The following ROCK2 variants were observed in gnomAD, a reference collection of about 807,000 sequenced individuals.
ROCK2 encodes the protein rho-associated protein kinase 2.
In ROCK2, 61 loss-of-function variants were observed where a neutral mutation model predicts 195.1. The ratio of observed to expected loss-of-function variants is 0.31; its 90% confidence interval spans 0.25 to 0.39. The LOEUF (loss-of-function observed/expected upper bound fraction) is 0.39. ROCK2 is among the 10% of genes least tolerant of loss of function. The pLI is 1.00. For synonymous variants in ROCK2, 504 were observed against 545.5 expected (o/e 0.92, Z 1.06); for missense variants, 1,109 against 1,637.4 (o/e 0.68, Z 5.57).
At chr2:11,232,472 TCAAA>T (rs1172112631) in intron 5 of ROCK2, among the ~76,000 whole-genome samples, 3 of 152,122 alleles carry the variant, frequency 2.0e-5, no homozygotes, top group Non-Finnish European at 2.9e-5. Context: ...GTAACAATAA[TCAAA>T]CAAAGGCACA....
At chr2:11,292,851 T>C (rs185448488) in intron 1 of ROCK2, among the ~76,000 whole-genome samples, 125 of 152,252 alleles carry the variant, frequency 8.2e-4, no homozygotes, top group Non-Finnish European at 1.4e-3. Flanking sequence ...TGGGAGGTGA[T>C]TGGATCACAG....
Position 11,224,605 on chromosome 2 carries a change from A to G in ROCK2, c.869-145T>C, listed in dbSNP as rs1206396371. 4.4e-6 allele frequency: 3 copies of G among 689,492 alleles called. No individual in the cohort carries two copies. The African/African-American group carries it at 5.5e-5, about 13-fold the overall frequency. 42.7% of individuals were successfully genotyped at this position (689,492 alleles called of 1,614,324 possible). A position where few individuals can be genotyped will look rare whatever the true frequency, so the allele number is the denominator to read the frequency against. On this transcript the variant is annotated intron_variant, in intron 6 of 32. Transcript: ENST00000315872. ...ACGGGCACAGAGTCCCAGTCAAAAC[A>G]ACAGACATATTGTTATATTCTAAAT...
At chr2:11,291,309 G>C (rs1667355421) in intron 1 of ROCK2, among the ~76,000 whole-genome samples, 1 of 152,178 alleles carries the variant, frequency 6.6e-6, no homozygotes, top group Admixed American at 6.5e-5. Context: ...CAGCACTTTG[G>C]GAGGCCGAGG....
At position 11,201,363 on chromosome 2, in the gene ROCK2, C is replaced by T. The variant is rs1386391368; in HGVS notation, c.2670G>A (p.Lys890=). 1 of 1,613,142 alleles carries T rather than the reference C, an allele frequency of 6.2e-7. No homozygotes were observed. The highest frequency in any genetic ancestry group is 1.7e-5 in the Admixed American group (1 of 59,988). ...VRELKEECEE[K]TKLGKELQQK... is the part of the protein sequence containing the mutation. Reference sequence around the variant, plus strand: ...GCTGCAATTCTTTACCAAGTTTGGTCTTTTCTTCACATTCTTCTTTAAGCT... The same window carrying T: ...GCTGCAATTCTTTACCAAGTTTGGTTTTTTCTTCACATTCTTCTTTAAGCT... The change falls in exon 22 of 33, where the codon AAG becomes AAA. Residue 890 remains lysine (K), a synonymous_variant. Coordinates refer to ENST00000315872, the MANE Select transcript of ROCK2 (RefSeq NM_004850.5). The surrounding 1 kb of genome is among the most constrained non-coding windows in gnomAD (Gnocchi z 4.6).
intron 32 of ROCK2, among the ~76,000 whole-genome samples, chr2:11,184,000 T>A (rs1021657147): frequency 9.2e-5 from 14 of 152,248 alleles, no homozygotes; most frequent in Admixed American, 9.2e-4. Flanking sequence ...TTATTTCTTT[T>A]AAATCCTTCT....
intron 1 of ROCK2, among the ~76,000 whole-genome samples, chr2:11,310,248 T>G (rs1338053361): frequency 6.6e-6 from 1 of 152,198 alleles, no homozygotes; most frequent in East Asian, 1.9e-4. Context: ...TTGTGTCACC[T>G]GGTGTTAGCA....
intron 3 of ROCK2, among the ~76,000 whole-genome samples, chr2:11,269,346 T>C (rs1409157224): frequency 6.6e-6 from 1 of 151,904 alleles, no homozygotes; most frequent in Non-Finnish European, 1.5e-5. Flanking sequence ...ACCCCATCTC[T>C]ACTAAAAACA....
rs139212074 is a variant in ROCK2 at position 11,267,235 on chromosome 2, T to C, written c.325-17437A>G. Among the ~76,000 whole-genome samples, 169 of 152,294 alleles carry C rather than the reference T, an allele frequency of 1.1e-3. 1 individual carries two copies. Among genetic ancestry groups the C allele is most frequent in the Middle Eastern group, 6.8e-3 (2 of 294 alleles). ...ATACAATTAACCCTTAGGAAGCACTTTGACCAGGCTTATTTATATTATTAA... is the reference window on the plus strand; with the variant it reads ...ATACAATTAACCCTTAGGAAGCACTCTGACCAGGCTTATTTATATTATTAA... On this transcript the variant is annotated intron_variant, in intron 3 of 32. Transcript: ENST00000315872.
At chr2:11,266,912 T>A (rs1003452137) in intron 3 of ROCK2, among the ~76,000 whole-genome samples, 1 of 152,124 alleles carries the variant, frequency 6.6e-6, no homozygotes, top group African/African-American at 2.4e-5. Context: ...TTCTGCATAT[T>A]TTGTAGCCAA....
At chr2:11,257,344 C>T (rs1054592461) in intron 3 of ROCK2, among the ~76,000 whole-genome samples, 2 of 151,404 alleles carry the variant, frequency 1.3e-5, no homozygotes, top group African/African-American at 2.5e-5. Context: ...GCAGTGGCGG[C>T]GTCACGATCA....
At position 11,283,517 on chromosome 2, in the gene ROCK2, C is replaced by T. The variant is rs541972230; in HGVS notation, c.324+3022G>A. Among the ~76,000 whole-genome samples the T allele has an allele frequency of 1.5e-3, 212 of 138,114 alleles. 1 individual carries two copies. Among genetic ancestry groups the T allele is most frequent in the African/African-American group, 5.3e-3 (202 of 38,150 alleles). 90.6% of individuals were successfully genotyped at this position (138,114 alleles called of 152,430 possible). ...CGGAGCTTGCAGTGAGCCGAGATTGCGCCACTGCAGTCCGCAGTCCGGCCT... is the reference window on the plus strand; with the variant it reads ...CGGAGCTTGCAGTGAGCCGAGATTGTGCCACTGCAGTCCGCAGTCCGGCCT... On this transcript the variant is annotated intron_variant, in intron 3 of 32. Transcript: ENST00000315872.
chr2:11,200,675 C>T (rs1157733683), intron 23 of ROCK2, among the ~76,000 whole-genome samples: 1 of 151,912 alleles, frequency 6.6e-6, no homozygotes, highest in South Asian at 2.1e-4. Flanking sequence ...GAACTGTTTT[C>T]CTGGTAGTTT....
intron 32 of ROCK2, among the ~76,000 whole-genome samples, chr2:11,189,367 T>C (rs1044091768): frequency 6.6e-6 from 1 of 152,176 alleles, no homozygotes; most frequent in Non-Finnish European, 1.5e-5. Flanking sequence ...ATTTGTATAC[T>C]GAATGGGCTT....
chr2:11,301,096 A>G (rs1191708996), intron 1 of ROCK2, among the ~76,000 whole-genome samples: 1 of 152,202 alleles, frequency 6.6e-6, no homozygotes, highest in African/African-American at 2.4e-5. Context: ...AATAAAGCAT[A>G]TGTCATTTAG....
At chr2:11,234,674 G>C (rs1665142672) in intron 5 of ROCK2, 1 of 151,952 alleles carries the variant, frequency 6.6e-6, no homozygotes, top group Admixed American at 6.5e-5. Flanking sequence ...GGCCCATAAA[G>C]TATAGCACAA....
intron 1 of ROCK2, among the ~76,000 whole-genome samples, chr2:11,314,256 T>G (rs967002760): frequency 3.9e-5 from 6 of 151,952 alleles, no homozygotes; most frequent in Non-Finnish European, 8.8e-5. Context: ...CTAAAAACAT[T>G]ACTATGAATG....
intron 1 of ROCK2, among the ~76,000 whole-genome samples, chr2:11,295,472 T>C (rs1667483178): frequency 6.6e-6 from 1 of 151,306 alleles, no homozygotes; most frequent in Non-Finnish European, 1.5e-5. Context: ...GCAAGAAAAA[T>C]ACCCCCAAAA....
intron 20 of ROCK2, among the ~76,000 whole-genome samples, chr2:11,204,388 T>C (rs17366657): frequency 0.38 from 58,392 of 151,780 alleles, 13,027 homozygotes; most frequent in Admixed American, 0.51. Context: ...TATCCTGTCA[T>C]TGTTTTTGAA....
intron 1 of ROCK2, among the ~76,000 whole-genome samples, chr2:11,292,711 T>C (rs1469213684): frequency 6.6e-6 from 1 of 152,208 alleles, no homozygotes; most frequent in Non-Finnish European, 1.5e-5. Flanking sequence ...TTGTAACACA[T>C]TTCCTCTGTT....
Sources: gnomAD v4.1 joint callset for allele counts (sites outside exome capture counted in the v4.1 genomes callset) on GRCh38, gnomAD v4.1.1 for gene constraint, Gnocchi (gnomAD v3.1) non-coding constraint, MANE v1.5 for transcripts, NCBI Gene and HGNC (gene_info 2026-07-23, HGNC 2026-07-21) for gene names.